Variants in STPG2 observed in about 807,000 individuals in gnomAD.
STPG2 encodes sperm-tail PG-rich repeat-containing protein 2.
Under a neutral mutation model 54.2 loss-of-function variants are expected in STPG2, and 56 were observed. That is an observed-to-expected ratio of 1.03 (90% confidence interval 0.83 to 1.29). The LOEUF is 1.29. Among genes scored for constraint, STPG2 ranks in the 50% most tolerant of loss-of-function variants. The probability of loss-of-function intolerance (pLI) is 0.00; values close to 1 mark genes in which losing one functional copy is unlikely to be tolerated. For synonymous variants in STPG2, 200 were observed against 181.8 expected, an observed-to-expected ratio of 1.10 and a Z score of -0.81; for missense variants, 596 against 544.9, an observed-to-expected ratio of 1.09 and a Z score of -0.93.
chr4:97,727,102 G>A (rs1396079564), intron 9 of STPG2, among the ~76,000 whole-genome samples: 1 of 151,808 alleles, frequency 6.6e-6, no homozygotes, highest in African/African-American at 2.4e-5. Context: ...GTCATCAGAA[G>A]GAATAGGTGA....
intron 4 of STPG2, among the ~76,000 whole-genome samples, chr4:97,530,473 A>C (rs755017433): frequency 6.6e-6 from 1 of 152,082 alleles, no homozygotes; most frequent in Non-Finnish European, 1.5e-5. Flanking sequence ...TAAATCTTTT[A>C]GGGAAATTTT....
chr4:97,463,107 A>AT (rs1729704248), intron 4 of STPG2, among the ~76,000 whole-genome samples: 1 of 152,070 alleles, frequency 6.6e-6, no homozygotes, highest in Admixed American at 6.5e-5. Context: ...GTAAATTATA[A>AT]TTTTTTCATG....
intron 5 of STPG2, among the ~76,000 whole-genome samples, chr4:98,041,269 A>G (rs1736946989): frequency 6.6e-6 from 1 of 151,842 alleles, no homozygotes; most frequent in African/African-American, 2.4e-5. Context: ...ATTTCATATC[A>G]GCAACCAGAG....
At chr4:98,031,528 A>C (rs1015648089) in intron 5 of STPG2, among the ~76,000 whole-genome samples, 1 of 152,026 alleles carries the variant, frequency 6.6e-6, no homozygotes, top group Non-Finnish European at 1.5e-5. Flanking sequence ...AATACAAAAA[A>C]TTAGCTGGGC....
intron 8 of STPG2, among the ~76,000 whole-genome samples, chr4:97,844,673 G>A (rs116461664): frequency 0.014 from 2,066 of 152,048 alleles, 17 homozygotes; most frequent in Non-Finnish European, 0.021. Context: ...TCACCTTGGA[G>A]TTCACTGAAC....
intron 10 of STPG2, among the ~76,000 whole-genome samples, chr4:97,616,057 A>AATATATATATATATATATATAT (rs70953077): frequency 3.2e-4 from 12 of 37,392 alleles, no homozygotes; most frequent in African/African-American, 3.6e-4. Context: ...AATACATATA[A>AATATATATATATATATATATAT]ATATATATAT....
At chr4:98,043,040 G>A (rs2149308416) in intron 5 of STPG2, among the ~76,000 whole-genome samples, 1 of 152,038 alleles carries the variant, frequency 6.6e-6, no homozygotes, top group Non-Finnish European at 1.5e-5. Context: ...ATATTACAAT[G>A]GTTATATCTT....
intron 4 of STPG2, among the ~76,000 whole-genome samples, chr4:97,538,384 A>C (rs537705301): frequency 6.6e-6 from 1 of 152,324 alleles, no homozygotes; most frequent in South Asian, 2.1e-4. Context: ...CACAACAACT[A>C]CGTGACAAAT....
chr4:98,143,276 A>C lies in STPG2; in HGVS notation c.-126T>G. On this transcript the variant is annotated 5_prime_UTR_variant, in exon 1 of 11. Coordinates refer to ENST00000295268, the MANE Select transcript of STPG2 (RefSeq NM_174952.3). ...GAGGAGGCCGGGAAAGAACTTCCGTAAACAGGGAAATTAGGGGTGGGGTTG... is the reference window on the plus strand; with the variant it reads ...GAGGAGGCCGGGAAAGAACTTCCGTCAACAGGGAAATTAGGGGTGGGGTTG... The C allele has an allele frequency of 1.5e-6, 1 of 668,586 alleles. No homozygotes were observed. The highest frequency in any genetic ancestry group is 2.8e-5 in the East Asian group (1 of 36,218). The allele number at this position is 668,586 out of a possible 1,614,324, so 41.4% of individuals were successfully genotyped here.
At chr4:97,947,085 T>A (rs563358326) in intron 7 of STPG2, among the ~76,000 whole-genome samples, 1 of 152,150 alleles carries the variant, frequency 6.6e-6, no homozygotes, top group Non-Finnish European at 1.5e-5. Context: ...TGTTTTGTAG[T>A]TCTCCTTGTA....
chr4:97,750,278 G>C (rs1279724198), intron 9 of STPG2, among the ~76,000 whole-genome samples: 1 of 151,706 alleles, frequency 6.6e-6, no homozygotes, highest in African/African-American at 2.4e-5. Flanking sequence ...AACCCAAACA[G>C]TCTACATTCC....
chr4:97,461,858 T>C (rs1729672433), intron 4 of STPG2, among the ~76,000 whole-genome samples: 2 of 152,196 alleles, frequency 1.3e-5, no homozygotes, highest in Admixed American at 1.3e-4. Context: ...CATTTCTAGA[T>C]ATCTATAATT....
At chr4:98,043,362 T>A (rs1488712543) in intron 5 of STPG2, among the ~76,000 whole-genome samples, 2 of 152,090 alleles carry the variant, frequency 1.3e-5, no homozygotes, top group African/African-American at 2.4e-5. Flanking sequence ...ACTATTGCTA[T>A]TTTCTTAGCT....
At chr4:97,971,481 G>T (rs1734324168) in intron 7 of STPG2, among the ~76,000 whole-genome samples, 1 of 152,130 alleles carries the variant, frequency 6.6e-6, no homozygotes, top group South Asian at 2.1e-4. Context: ...CATAAAAAAG[G>T]ATGAGTTCAT....
At position 98,029,185 on chromosome 4, in the gene STPG2, T is replaced by A. The variant is rs566462836; in HGVS notation, c.613-47867A>T. ...TAAACATATTGGGTGGCATGTTCTATAAGTGCTTATTAGGTCACACTTGGC... is the reference window on the plus strand; with the variant it reads ...TAAACATATTGGGTGGCATGTTCTAAAAGTGCTTATTAGGTCACACTTGGC... On this transcript the variant is annotated intron_variant, in intron 5 of 10. Coordinates refer to ENST00000295268, the MANE Select transcript of STPG2 (RefSeq NM_174952.3). 7.2e-5 allele frequency among the ~76,000 whole-genome samples: 11 copies of A among 152,302 alleles called. 1 individual carries two copies. In the East Asian group the frequency reaches 1.9e-3, roughly 27 times the overall value.
chr4:97,724,915 T>G (rs562279998), intron 9 of STPG2, among the ~76,000 whole-genome samples: 1 of 152,294 alleles, frequency 6.6e-6, no homozygotes, highest in East Asian at 1.9e-4. Flanking sequence ...CAGGTCTTTA[T>G]TCAAGTACTT....
At chr4:98,066,878 T>C (rs1258162881) in intron 5 of STPG2, among the ~76,000 whole-genome samples, 2 of 152,200 alleles carry the variant, frequency 1.3e-5, no homozygotes, top group African/African-American at 2.4e-5. Flanking sequence ...TTATTATTTC[T>C]GACAATCAAT....
chr4:97,970,894 T>C (rs902919709), intron 7 of STPG2, among the ~76,000 whole-genome samples: 3 of 151,814 alleles, frequency 2.0e-5, no homozygotes, highest in Non-Finnish European at 2.9e-5. Flanking sequence ...TGGGAGAAAA[T>C]TTTTGCAATC....
At chr4:98,142,134 A>G (rs1037325894) in intron 1 of STPG2, among the ~76,000 whole-genome samples, 1 of 152,210 alleles carries the variant, frequency 6.6e-6, no homozygotes, top group African/African-American at 2.4e-5. Context: ...ATAAGCTGCA[A>G]GAATAGTGAT....
Sources: allele counts gnomAD v4.1 joint callset (sites outside exome capture counted in the v4.1 genomes callset), GRCh38; gene constraint gnomAD v4.1.1; transcripts MANE v1.5; gene names NCBI Gene and HGNC (gene_info 2026-07-23, HGNC 2026-07-21).